The following ARHGEF4 variants were observed in gnomAD, a reference collection of about 807,000 sequenced individuals.
ARHGEF4 encodes Rho guanine nucleotide exchange factor 4, also known as APC-stimulated guanine nucleotide exchange factor 1.
ARHGEF4 carries 119 observed loss-of-function variants against 162.0 expected under a neutral mutation model. That is an observed-to-expected ratio of 0.73 (90% CI 0.63 to 0.86). The LOEUF (loss-of-function observed/expected upper bound fraction) is 0.86. Ranked by LOEUF, ARHGEF4 falls within the 40% of genes least tolerant of loss-of-function variation. ARHGEF4 has a pLI of 0.00. For synonymous variants in ARHGEF4, 1,014 were observed against 979.9 expected, an observed-to-expected ratio of 1.03 and a Z score of -0.65; for missense variants, 2,488 against 2,456.0, an observed-to-expected ratio of 1.01 and a Z score of -0.28.
At chr2:130,890,418 C>T (rs372510782) in intron 1 of ARHGEF4, among the ~76,000 whole-genome samples, 1 of 152,130 alleles carries the variant, frequency 6.6e-6, no homozygotes, top group African/African-American at 2.4e-5. Context: ...AAAAATTAAC[C>T]AGGTGTGGTG....
At chr2:130,992,343 G>C (rs530317188) in intron 4 of ARHGEF4, among the ~76,000 whole-genome samples, 2 of 151,608 alleles carry the variant, frequency 1.3e-5, no homozygotes, top group South Asian at 2.1e-4. Context: ...AATAAATCTT[G>C]CTACTGCTCA....
intron 3 of ARHGEF4, among the ~76,000 whole-genome samples, chr2:130,936,534 A>G (rs963167139): frequency 6.6e-6 from 1 of 152,134 alleles, no homozygotes; most frequent in African/African-American, 2.4e-5. Flanking sequence ...TTTGAAGTAC[A>G]GTTTTCCCAG....
At chr2:131,040,559 C>T (rs1357587704) in intron 8 of ARHGEF4, 119 bp downstream of exon 8, 1 of 1,189,700 alleles carries the variant, frequency 8.4e-7, no homozygotes, top group Non-Finnish European at 1.2e-6. Flanking sequence ...GGCCCCAGCT[C>T]CAGCCCTCTA....
At chr2:130,905,848 G>A (rs1680781024) in intron 1 of ARHGEF4, among the ~76,000 whole-genome samples, 1 of 152,174 alleles carries the variant, frequency 6.6e-6, no homozygotes, top group African/African-American at 2.4e-5. Context: ...ATATCATAGT[G>A]TATATAGGGT....
chr2:130,866,449 T>A (rs889663104), intron 1 of ARHGEF4, among the ~76,000 whole-genome samples: 1 of 152,176 alleles, frequency 6.6e-6, no homozygotes, highest in Non-Finnish European at 1.5e-5. Flanking sequence ...AGTCCTCTGG[T>A]GCTACTTCCA....
chr2:130,995,199 G>T (rs985016582), intron 4 of ARHGEF4, among the ~76,000 whole-genome samples: 1 of 152,080 alleles, frequency 6.6e-6, no homozygotes, highest in Non-Finnish European at 1.5e-5. Context: ...AGCATCTCTC[G>T]CCTTCTCCTC....
chr2:130,890,487 G>A (rs563195403), intron 1 of ARHGEF4, among the ~76,000 whole-genome samples: 109 of 151,928 alleles, frequency 7.2e-4, no homozygotes, highest in African/African-American at 2.6e-3. Context: ...GCTTGAAACC[G>A]GGAGGCTATG....
chr2:130,950,544 G>A (rs1433995244), intron 4 of ARHGEF4, among the ~76,000 whole-genome samples: 1 of 152,172 alleles, frequency 6.6e-6, no homozygotes, highest in Non-Finnish European at 1.5e-5. Context: ...AGTAAAGGAT[G>A]CTTTCTATTT....
At position 130,940,757 on chromosome 2, in the gene ARHGEF4, G is replaced by A. The variant is rs1396902959; in HGVS notation, c.3859-5752G>A. Among the ~76,000 whole-genome samples, 3 of 149,448 alleles carry A rather than the reference G, an allele frequency of 2.0e-5. No individual in the cohort carries two copies. The East Asian group carries it at 6.1e-4, about 30-fold the overall frequency. ...TGAGGCAGGAGAATGGCATGAACCC[G>A]GGAGGCAGAGCTTGCAGTGAGCCGA... On this transcript the variant is annotated intron_variant, in intron 3 of 13. Transcript: ENST00000409359.
In ARHGEF4 at chr2:131,021,366, A is replaced by G. The variant is rs186828982; in HGVS notation, c.3986-6579A>G. ...CTGATCTTTGACAAACCTGACAAAAACAAGAAATGGGGAAAGGATTCCCCA... is the reference window on the plus strand; with the variant it reads ...CTGATCTTTGACAAACCTGACAAAAGCAAGAAATGGGGAAAGGATTCCCCA... On this transcript the variant is annotated intron_variant, in intron 4 of 13. Transcript: ENST00000409359. 5.2e-3 allele frequency among the ~76,000 whole-genome samples: 787 copies of G among 152,292 alleles called. 6 individuals carry two copies. The highest frequency in any genetic ancestry group is 0.016 in the African/African-American group (683 of 41,556).
intron 1 of ARHGEF4, among the ~76,000 whole-genome samples, chr2:130,873,742 G>A (rs1043616538): frequency 2.0e-5 from 3 of 152,146 alleles, no homozygotes; most frequent in African/African-American, 7.2e-5. Context: ...GAGTGATCCT[G>A]GGGCTAGGTG....
At chr2:130,993,729 TG>T (rs1313270858) in intron 4 of ARHGEF4, among the ~76,000 whole-genome samples, 1 of 152,180 alleles carries the variant, frequency 6.6e-6, no homozygotes, top group East Asian at 1.9e-4. Flanking sequence ...ATTCTAGCTT[TG>T]TTTTGGCTAG....
chr2:131,035,987 G>T (rs1407643572), intron 5 of ARHGEF4, among the ~76,000 whole-genome samples: 2 of 152,182 alleles, frequency 1.3e-5, no homozygotes, highest in Admixed American at 6.5e-5. Flanking sequence ...TCTCAAATGT[G>T]CACCTCCATT....
At chr2:130,985,999 G>C (rs1391665111) in intron 4 of ARHGEF4, among the ~76,000 whole-genome samples, 2 of 151,696 alleles carry the variant, frequency 1.3e-5, no homozygotes, top group Admixed American at 1.3e-4. Flanking sequence ...GGTATGTGTT[G>C]AACATGTATG....
intron 4 of ARHGEF4, among the ~76,000 whole-genome samples, chr2:131,016,185 C>T (rs1286890701): frequency 6.6e-6 from 1 of 152,146 alleles, no homozygotes; most frequent in African/African-American, 2.4e-5. Context: ...CCCAACGTGC[C>T]CCACCAGGAT....
chr2:131,026,848 G>A (rs1689507260), intron 4 of ARHGEF4, among the ~76,000 whole-genome samples: 1 of 152,104 alleles, frequency 6.6e-6, no homozygotes, highest in South Asian at 2.1e-4. Context: ...ACACACCTAG[G>A]CGTCTACACT....
rs868327914 is a variant in ARHGEF4, at chr2:130,917,389, C to G, written c.3443C>G (p.Ser1148Cys). Reference protein sequence around the residue: ...IPKGQTSFLLSLQTLNQDEQK... With the variant: ...IPKGQTSFLLCLQTLNQDEQK... ...AAGGGCCAGACCAGTTTCCTGCTTTCTCTGCAGACGCTAAACCAAGATGAG... is the reference window on the plus strand; with the variant it reads ...AAGGGCCAGACCAGTTTCCTGCTTTGTCTGCAGACGCTAAACCAAGATGAG... Residue 1148 changes from serine to cysteine, a missense_variant, in exon 2 of 14, where the codon TCT becomes TGT. By Grantham distance (112) the Ser-to-Cys change is moderately radical (BLOSUM62 -1). Transcript: ENST00000409359. 1 of 1,550,652 alleles carries G rather than the reference C, an allele frequency of 6.4e-7. No individual in the cohort carries two copies. The highest frequency in any genetic ancestry group is 8.7e-7 in the Non-Finnish European group (1 of 1,147,012).
At chr2:130,985,931 C>T (rs1686457719) in intron 4 of ARHGEF4, among the ~76,000 whole-genome samples, 1 of 149,840 alleles carries the variant, frequency 6.7e-6, no homozygotes, top group South Asian at 2.1e-4. Context: ...GGGTGTGTTG[C>T]ATGTGTGTGT....
At chr2:130,933,566 T>C (rs1023366622) in intron 3 of ARHGEF4, among the ~76,000 whole-genome samples, 2 of 152,168 alleles carry the variant, frequency 1.3e-5, no homozygotes, top group African/African-American at 4.8e-5. Context: ...ACACTGGGTG[T>C]CTTTCCGTTT....
Sources: allele counts gnomAD v4.1 joint callset (sites outside exome capture counted in the v4.1 genomes callset), GRCh38; gene constraint gnomAD v4.1.1; transcripts MANE v1.5; gene names NCBI Gene and HGNC (gene_info 2026-07-23, HGNC 2026-07-21).